CHRM5: variants seen among roughly 807,000 people sequenced by gnomAD.
CHRM5 encodes cholinergic receptor muscarinic 5.
CHRM5 carries 18 observed loss-of-function variants against 39.0 expected under a neutral mutation model. That is an observed-to-expected ratio of 0.46 (90% confidence interval 0.32 to 0.68). The LOEUF is 0.68. CHRM5 is among the 30% of genes least tolerant of loss of function. CHRM5 has a pLI of 0.04. For synonymous variants in CHRM5, 241 were observed against 246.3 expected (o/e 0.98, Z 0.20); for missense variants, 515 against 651.1 (o/e 0.79, Z 2.28).
chr15:33,977,820 T>A (rs1385589787), intron 1 of CHRM5, among the ~76,000 whole-genome samples: 1 of 151,976 alleles, frequency 6.6e-6, no homozygotes, highest in Non-Finnish European at 1.5e-5. Flanking sequence ...CCCGTGTAAT[T>A]CTAACACTTT....
chr15:33,991,165 G>C (rs2140568925), intron 1 of CHRM5: 1 of 152,264 alleles, frequency 6.6e-6, no homozygotes, highest in South Asian at 2.1e-4. Flanking sequence ...ATTACACAAA[G>C]CATTTAAGCA....
chr15:34,056,628 A>C (rs1900161770), intron 2 of CHRM5, among the ~76,000 whole-genome samples: 2 of 152,136 alleles, frequency 1.3e-5, no homozygotes, highest in Non-Finnish European at 2.9e-5. Flanking sequence ...CTATGAGCAG[A>C]CTCTGAGGAA....
rs1900460714 is a variant in CHRM5 at position 34,064,537 on chromosome 15, A to T, written c.*221A>T. ...TCTTGCCTATGACCAAGGCCATTTGATGCCAGGGGAGTTTGCCAATGAAGT... is the reference window on the plus strand; with the variant it reads ...TCTTGCCTATGACCAAGGCCATTTGTTGCCAGGGGAGTTTGCCAATGAAGT... On this transcript the variant is annotated 3_prime_UTR_variant, in exon 3 of 3. Transcript: ENST00000383263. 3.4e-6 allele frequency: 2 copies of T among 591,696 alleles called. No individual in the cohort carries two copies. The highest frequency in any genetic ancestry group is 4.5e-5 in the South Asian group (2 of 44,552). The allele number at this position is 591,696 out of a possible 1,614,324, so 36.7% of individuals were successfully genotyped here.
chr15:34,057,283 C>T (rs1460714025), intron 2 of CHRM5, among the ~76,000 whole-genome samples: 1 of 148,208 alleles, frequency 6.7e-6, no homozygotes, highest in African/African-American at 2.5e-5. Context: ...AATATAGGCA[C>T]ATGCCACCAC....
At chr15:34,027,742 C>G (rs1898556185) in intron 1 of CHRM5, among the ~76,000 whole-genome samples, 1 of 151,348 alleles carries the variant, frequency 6.6e-6, no homozygotes, top group Admixed American at 6.6e-5. Flanking sequence ...TGCAAACAGT[C>G]CTATTACCAG....
chr15:34,000,551 A>G (rs1394134044), intron 1 of CHRM5, among the ~76,000 whole-genome samples: 2 of 152,216 alleles, frequency 1.3e-5, no homozygotes, highest in African/African-American at 4.8e-5. Context: ...ATTTTTTCTC[A>G]GTTGTCTATT....
At position 34,063,383 on chromosome 15, in the gene CHRM5, G is replaced by A. The variant is rs150785744; in HGVS notation, c.666G>A (p.Lys222=). The A allele has an allele frequency of 4.7e-4, 761 of 1,614,084 alleles. No homozygotes were observed. The highest frequency in any genetic ancestry group is 6.1e-4 in the Non-Finnish European group (720 of 1,180,042). The change falls in exon 3 of 3, where the codon AAG becomes AAA. Residue 222 remains lysine, a synonymous_variant. Transcript: ENST00000383263. The surrounding 1 kb of genome is among the most constrained non-coding windows in gnomAD (Gnocchi z 4.1). ...GTCGAATCTACCGGGAAACAGAGAA[G>A]CGAACCAAGGACCTGGCTGACCTCC... The part of the protein sequence containing the change: ...LYCRIYRETE[K]RTKDLADLQG...
chr15:33,978,223 C>T lies in CHRM5; in HGVS notation c.-408+9073C>T, dbSNP rs192456262. The stretch of plus-strand genomic sequence containing the variant: ...ACTGGCCGTTCTGAACAAAGTGACA[C>T]GTATTACTAATATTTCCTGAGCATC... On this transcript the variant is annotated intron_variant, in intron 1 of 2. Transcript: ENST00000383263. Among the ~76,000 whole-genome samples, 16 of 152,248 alleles carry T rather than the reference C, an allele frequency of 1.1e-4. No individual in the cohort carries two copies. In the East Asian group the frequency reaches 3.1e-3, roughly 29 times the overall value.
intron 1 of CHRM5, among the ~76,000 whole-genome samples, chr15:33,988,496 T>C (rs1474522105): frequency 6.6e-6 from 1 of 152,172 alleles, no homozygotes; most frequent in Non-Finnish European, 1.5e-5. Context: ...TGTGCCCGTG[T>C]AACACATCTC....
intron 1 of CHRM5, among the ~76,000 whole-genome samples, chr15:33,995,311 CA>C (rs1418151009): frequency 6.6e-6 from 1 of 151,856 alleles, no homozygotes; most frequent in Non-Finnish European, 1.5e-5. Flanking sequence ...AACAATACAA[CA>C]ATAAAAATAC....
intron 1 of CHRM5, among the ~76,000 whole-genome samples, chr15:34,006,522 A>G (rs1897351769): frequency 6.6e-6 from 1 of 152,216 alleles, no homozygotes; most frequent in South Asian, 2.1e-4. Flanking sequence ...ATCTGGGCAA[A>G]ATAATTACCT....
chr15:34,014,922 A>C (rs773245569), intron 1 of CHRM5, among the ~76,000 whole-genome samples: 1 of 152,150 alleles, frequency 6.6e-6, no homozygotes, highest in Non-Finnish European at 1.5e-5. Context: ...TAAAAGATAA[A>C]CAGAAAGGAA....
At chr15:34,024,565 A>C (rs1567474218) in intron 1 of CHRM5, among the ~76,000 whole-genome samples, 2 of 151,796 alleles carry the variant, frequency 1.3e-5, no homozygotes. Flanking sequence ...TATAAATAAA[A>C]AGGAAGGCCA....
intron 1 of CHRM5, among the ~76,000 whole-genome samples, chr15:34,013,054 T>G (rs1250461287): frequency 6.8e-6 from 1 of 147,938 alleles, no homozygotes; most frequent in Admixed American, 6.8e-5. Flanking sequence ...ATCACAGTGG[T>G]TTTTTTGTTT....
intron 1 of CHRM5, among the ~76,000 whole-genome samples, chr15:34,030,626 C>G (rs996335217): frequency 6.6e-6 from 1 of 151,784 alleles, no homozygotes; most frequent in African/African-American, 2.4e-5. Flanking sequence ...CCACGCCCAG[C>G]CTGGTTTGGG....
intron 1 of CHRM5, among the ~76,000 whole-genome samples, chr15:33,974,110 G>A (rs1895766133): frequency 6.6e-6 from 1 of 152,064 alleles, no homozygotes; most frequent in African/African-American, 2.4e-5. Context: ...TGCTCTATTT[G>A]ACATATGGAA....
chr15:34,011,010 C>T (rs1022826878), intron 1 of CHRM5, among the ~76,000 whole-genome samples: 4 of 152,040 alleles, frequency 2.6e-5, no homozygotes, highest in African/African-American at 9.7e-5. Context: ...TTAAAGAATT[C>T]AATGACAGTT....
Position 34,003,263 on chromosome 15 carries a change from T to C in CHRM5, c.-408+34113T>C, listed in dbSNP as rs975345712. ...TAAGCAGTGGAAATCCTGACCTTAG[T>C]AGACTTCCCAGTAAAACAAAAAAGT... On this transcript the variant is annotated intron_variant, in intron 1 of 2. Transcript: ENST00000383263. 5.2e-6 allele frequency: 8 copies of C among 1,552,076 alleles called. No individual in the cohort carries two copies. In the Middle Eastern group the frequency reaches 5.1e-4, roughly 100 times the overall value.
At position 33,983,192 on chromosome 15, in the gene CHRM5, A is replaced by ATG. The variant is rs1215911798; in HGVS notation, c.-408+14050_-408+14051dup. On this transcript the variant is annotated intron_variant, in intron 1 of 2. Coordinates refer to ENST00000383263, the MANE Select transcript of CHRM5 (RefSeq NM_012125.4). ...TGTGTATATATACACACGTGTGTGT[A>ATG]TGTGTGTGTATATATATATATACAT... 1.6e-4 allele frequency among the ~76,000 whole-genome samples: 11 copies of ATG among 70,298 alleles called. 1 individual carries two copies. Among genetic ancestry groups the ATG allele is most frequent in the South Asian group, 7.4e-4 (1 of 1,346 alleles). The allele number at this position is 70,298 out of a possible 152,430, so 46.1% of individuals were successfully genotyped here.
Sources: gnomAD v4.1 joint callset for allele counts (sites outside exome capture counted in the v4.1 genomes callset) on GRCh38, gnomAD v4.1.1 for gene constraint, Gnocchi (gnomAD v3.1) non-coding constraint, MANE v1.5 for transcripts, NCBI Gene and HGNC (gene_info 2026-07-23, HGNC 2026-07-21) for gene names.